ACTR3C: variants seen among roughly 807,000 people sequenced by gnomAD.
ACTR3C encodes actin related protein 3C.
Under a neutral mutation model 26.3 loss-of-function variants are expected in ACTR3C, and 18 were observed. The ratio of observed to expected loss-of-function variants is 0.68; its 90% CI spans 0.47 to 1.01. ACTR3C has a LOEUF of 1.01. Among genes scored for constraint, ACTR3C ranks in the 50% least tolerant of loss-of-function variants. The pLI, the probability that ACTR3C is intolerant of heterozygous loss-of-function variation, is 0.00. For synonymous variants in ACTR3C, 55 were observed against 94.5 expected, an observed-to-expected ratio of 0.58 and a Z score of 2.42; for missense variants, 184 against 250.7, an observed-to-expected ratio of 0.73 and a Z score of 1.80.
the ACTR3C span, among the ~76,000 whole-genome samples, chr7:150,217,174 G>A: frequency 6.9e-6 from 1 of 145,766 alleles, no homozygotes; most frequent in African/African-American, 2.8e-5. Context: ...GAATCCTCAT[G>A]AAACTCTTAC....
At chr7:150,278,075 C>T (rs1338389011) in intron 6 of ACTR3C, among the ~76,000 whole-genome samples, 6 of 152,172 alleles carry the variant, frequency 3.9e-5, no homozygotes, top group African/African-American at 9.7e-5. Context: ...CCAGGCTTCA[C>T]ACTCCCCATT....
At chr7:150,011,314 C>T in the ACTR3C span, among the ~76,000 whole-genome samples, 19 of 151,778 alleles carry the variant, frequency 1.3e-4, no homozygotes, top group Non-Finnish European at 1.9e-4. Context: ...TGGCTGGGTG[C>T]GGTGGCTCAC....
the ACTR3C span, among the ~76,000 whole-genome samples, chr7:150,068,777 C>T: frequency 2.3e-4 from 23 of 99,724 alleles, no homozygotes; most frequent in African/African-American, 8.9e-4. Context: ...AGCGAGACTC[C>T]GTCCCAAAAA....
the ACTR3C span, among the ~76,000 whole-genome samples, chr7:150,039,068 C>T: frequency 7.1e-4 from 103 of 145,324 alleles, no homozygotes; most frequent in Middle Eastern, 7.4e-3. Flanking sequence ...AAGATTTGAA[C>T]TTTCTACTTG....
chr7:150,080,517 T>TGTG, the ACTR3C span, among the ~76,000 whole-genome samples: 3 of 148,984 alleles, frequency 2.0e-5, no homozygotes, highest in East Asian at 2.0e-4. Flanking sequence ...GTATGAGTGT[T>TGTG]TGTGTGTGTA....
At chr7:149,918,234 T>C in the ACTR3C span, among the ~76,000 whole-genome samples, 1 of 152,222 alleles carries the variant, frequency 6.6e-6, no homozygotes, top group African/African-American at 2.4e-5. Context: ...TTGTGAATTC[T>C]GAACATTGTT....
the ACTR3C span, among the ~76,000 whole-genome samples, chr7:150,032,047 G>A: frequency 6.6e-6 from 1 of 152,180 alleles, no homozygotes; most frequent in Non-Finnish European, 1.5e-5. Context: ...CCCTTCTTCC[G>A]GTCTATTTCA....
chr7:150,137,802 C>T, the ACTR3C span, among the ~76,000 whole-genome samples: 6 of 152,094 alleles, frequency 3.9e-5, no homozygotes, highest in Non-Finnish European at 7.4e-5. Flanking sequence ...GAAGAGCATT[C>T]CAAGAATAAA....
the ACTR3C span, among the ~76,000 whole-genome samples, chr7:149,927,115 G>A: frequency 9.2e-5 from 14 of 151,524 alleles, no homozygotes; most frequent in Admixed American, 8.6e-4. Context: ...CTGGTCTCAA[G>A]TCAGTGTACA....
At chr7:150,086,607 C>A in the ACTR3C span, among the ~76,000 whole-genome samples, 1 of 152,094 alleles carries the variant, frequency 6.6e-6, no homozygotes, top group African/African-American at 2.4e-5. Context: ...GTTCTAGAAC[C>A]TAAGGAAAAG....
the ACTR3C span, among the ~76,000 whole-genome samples, chr7:150,180,540 TCTCG>T: frequency 7.5e-6 from 1 of 133,872 alleles, no homozygotes; most frequent in Non-Finnish European, 1.5e-5. Context: ...TGAGAGGGAG[TCTCG>T]CTCTGTCGCC....
chr7:150,077,980 C>T, the ACTR3C span, among the ~76,000 whole-genome samples: 1 of 152,128 alleles, frequency 6.6e-6, no homozygotes, highest in African/African-American at 2.4e-5. Context: ...CCCAACTTCA[C>T]GCTCCACACA....
At chr7:150,186,782 T>C in the ACTR3C span, among the ~76,000 whole-genome samples, 17 of 152,204 alleles carry the variant, frequency 1.1e-4, no homozygotes, top group Admixed American at 1.1e-3. Context: ...AATACTTGTT[T>C]AATAAATAAA....
chr7:150,132,617 A>C, the ACTR3C span, among the ~76,000 whole-genome samples: 1 of 152,198 alleles, frequency 6.6e-6, no homozygotes, highest in South Asian at 2.1e-4. Context: ...AATAATAACA[A>C]ATGCTGTCAA....
At chr7:149,975,888 C>G in the ACTR3C span, among the ~76,000 whole-genome samples, 1 of 152,148 alleles carries the variant, frequency 6.6e-6, no homozygotes, top group Admixed American at 6.5e-5. Flanking sequence ...CTGGTCCTGC[C>G]CTTGACCTGT....
the ACTR3C span, among the ~76,000 whole-genome samples, chr7:150,053,500 C>A: frequency 1.3e-5 from 2 of 152,224 alleles, no homozygotes; most frequent in East Asian, 3.8e-4. Flanking sequence ...ACTGGCATGC[C>A]TTGTGAAGGA....
the ACTR3C span, among the ~76,000 whole-genome samples, chr7:150,152,586 T>C: frequency 0.23 from 35,247 of 152,164 alleles, 4,859 homozygotes; most frequent in East Asian, 0.48. Context: ...TCAAGGATAT[T>C]GGTCTAAAAT....
the ACTR3C span, among the ~76,000 whole-genome samples, chr7:149,911,897 G>C: frequency 7.2e-5 from 11 of 151,830 alleles, no homozygotes; most frequent in African/African-American, 2.4e-4. Flanking sequence ...ACTGTAAAAT[G>C]GGGATAATAG....
At chr7:150,189,190 A>C in the ACTR3C span, among the ~76,000 whole-genome samples, 1 of 151,818 alleles carries the variant, frequency 6.6e-6, no homozygotes, top group Non-Finnish European at 1.5e-5. Flanking sequence ...GCTAACATAT[A>C]ACCTTATTAG....
Sources: gnomAD v4.1 joint callset for allele counts (sites outside exome capture counted in the v4.1 genomes callset) on GRCh38, gnomAD v4.1.1 for gene constraint, MANE v1.5 for transcripts, NCBI Gene and HGNC (gene_info 2026-07-23, HGNC 2026-07-21) for gene names.